TMEM170B: variants seen among roughly 807,000 people sequenced by gnomAD.
TMEM170B encodes transmembrane protein 170B.
A neutral mutation model predicts 13.0 loss-of-function variants in TMEM170B; 6 were observed. The ratio of observed to expected loss-of-function variants is 0.46; its 90% CI spans 0.25 to 0.91. TMEM170B has a LOEUF of 0.91. Ranked by LOEUF, TMEM170B falls within the 40% of genes least tolerant of loss-of-function variation. The probability of loss-of-function intolerance (pLI) is 0.17; values close to 1 mark genes in which losing one functional copy is unlikely to be tolerated. For missense variants in TMEM170B, 138 were observed against 165.2 expected (o/e 0.84, Z 0.90); for synonymous variants, 61 against 64.9 (o/e 0.94, Z 0.29).
rs1759923656 is a variant in TMEM170B, at chr6:11,579,521, T to G, written c.*3960T>G. The G allele has an allele frequency of 6.6e-6, 1 of 152,242 alleles. No homozygotes were observed. Among genetic ancestry groups the G allele is most frequent in the Non-Finnish European group, 1.5e-5 (1 of 68,040 alleles). The allele number at this position is 152,242 out of a possible 1,614,324, so 9.4% of individuals were successfully genotyped here. ...GTAAAATTCATCAATTTTGTTTCAT[T>G]TCTATATTTTCCTTACATATGCTTT... On this transcript the variant is annotated 3_prime_UTR_variant, in exon 3 of 3. Transcript: ENST00000379426.
intron 1 of TMEM170B, among the ~76,000 whole-genome samples, chr6:11,541,256 T>G (rs1414542865): frequency 6.6e-6 from 1 of 152,252 alleles, no homozygotes; most frequent in East Asian, 1.9e-4. Context: ...TGGCATCTTC[T>G]TCTGATATAA....
In TMEM170B at chr6:11,582,641, A is replaced by G. The variant is rs755407837; in HGVS notation, c.*7080A>G. The G allele has an allele frequency of 1.3e-5, 2 of 152,010 alleles. No individual in the cohort carries two copies. Among genetic ancestry groups the G allele is most frequent in the Non-Finnish European group, 2.9e-5 (2 of 68,020 alleles). 9.4% of individuals were successfully genotyped at this position (152,010 alleles called of 1,614,324 possible). On this transcript the variant is annotated 3_prime_UTR_variant, in exon 3 of 3. Transcript: ENST00000379426. ...AGTTTTGTTGTAAACTAGAGATTCT[A>G]GTGAACAGTGTTAGTTTTATACTGT... is the stretch of plus-strand genomic sequence containing the variant.
intron 2 of TMEM170B, among the ~76,000 whole-genome samples, chr6:11,574,164 C>A (rs1025272456): frequency 7.2e-5 from 11 of 151,926 alleles, no homozygotes; most frequent in Admixed American, 2.6e-4. Flanking sequence ...TTTTTTTCAT[C>A]TTTAAATTAG....
At chr6:11,541,224 C>T (rs1759356456) in intron 1 of TMEM170B, among the ~76,000 whole-genome samples, 1 of 152,170 alleles carries the variant, frequency 6.6e-6, no homozygotes, top group South Asian at 2.1e-4. Flanking sequence ...ATTGACTTCT[C>T]TCTAGCTGTG....
Position 11,577,475 on chromosome 6 carries a change from T to A in TMEM170B, c.*1914T>A, listed in dbSNP as rs1759895147. The A allele has an allele frequency of 1.3e-5, 2 of 152,142 alleles. No individual in the cohort carries two copies. Among genetic ancestry groups the A allele is most frequent in the Admixed American group, 1.3e-4 (2 of 15,280 alleles). The allele number at this position is 152,142 out of a possible 1,614,324, so 9.4% of individuals were successfully genotyped here. A position where few individuals can be genotyped will look rare whatever the true frequency, so the allele number is the denominator to read the frequency against. On this transcript the variant is annotated 3_prime_UTR_variant, in exon 3 of 3. Transcript: ENST00000379426. ...AATTGTGTTCTTCTTTTACTTTGGC[T>A]ATTCTGTCAATAATTTAAAGCATTC...
chr6:11,538,329 G>T lies in TMEM170B; in HGVS notation c.52G>T (p.Val18Phe). 1.3e-6 allele frequency: 2 copies of T among 1,508,202 alleles called. No homozygotes were observed. Among genetic ancestry groups the T allele is most frequent in the Non-Finnish European group, 1.8e-6 (2 of 1,133,376 alleles). 93.4% of individuals were successfully genotyped at this position (1,508,202 alleles called of 1,614,324 possible). A position where few individuals can be genotyped will look rare whatever the true frequency, so the allele number is the denominator to read the frequency against. ...CATGATCAACCTGTCGGTGCAGCAG[G>T]TCCTGAGCCTCTGGGCCCACGGGAC... ...HSMINLSVQQ[V>F]LSLWAHGTVL... The change falls in exon 1 of 3, where the codon GTC becomes TTC. Residue 18 changes from valine to phenylalanine, a missense_variant. By Grantham distance (50) the Val-to-Phe change is conservative. Transcript: ENST00000379426.
chr6:11,538,507 A>T, intron 1 of TMEM170B, 133 bp downstream of exon 1: 1 of 675,384 alleles, frequency 1.5e-6, no homozygotes, highest in Non-Finnish European at 2.3e-6. Context: ...GGTCCCGGCG[A>T]GGAAGGTGTT....
chr6:11,550,349 A>G (rs1204832795), intron 1 of TMEM170B, among the ~76,000 whole-genome samples: 2 of 150,976 alleles, frequency 1.3e-5, no homozygotes, highest in Admixed American at 1.3e-4. Flanking sequence ...AAGTTTTTTT[A>G]TTTAGTAGAG....
At chr6:11,569,331 T>C (rs888758150) in intron 2 of TMEM170B, among the ~76,000 whole-genome samples, 2 of 152,180 alleles carry the variant, frequency 1.3e-5, no homozygotes, top group African/African-American at 4.8e-5. Context: ...TTTTGTCTTA[T>C]GGTTTATACT....
chr6:11,565,569 C>A (rs12193222), intron 1 of TMEM170B, 97 bp from the exon 2 acceptor site: 80,694 of 1,307,342 alleles, frequency 0.062, 2,835 homozygotes, highest in East Asian at 0.14. Context: ...TGTATTATGT[C>A]ATTTAACCTC....
chr6:11,552,034 AACTGTTCATACAG>A (rs1397448981), intron 1 of TMEM170B, among the ~76,000 whole-genome samples: 1 of 152,200 alleles, frequency 6.6e-6, no homozygotes, highest in Non-Finnish European at 1.5e-5. Flanking sequence ...AATCACCTGG[AACTGTTCATACAG>A]ATCCATGGCT....
chr6:11,568,154 GA>G (rs1156520288), intron 2 of TMEM170B, among the ~76,000 whole-genome samples: 2 of 152,182 alleles, frequency 1.3e-5, no homozygotes, highest in African/African-American at 2.4e-5. Flanking sequence ...AGAGAATAAA[GA>G]GGAAGGAAGA....
rs543844505 is a variant in TMEM170B at position 11,538,769 on chromosome 6, T to G, written c.97+395T>G. Among the ~76,000 whole-genome samples, 8 of 152,374 alleles carry G rather than the reference T, an allele frequency of 5.3e-5. No individual in the cohort carries two copies. The East Asian group carries it at 1.5e-3, about 29-fold the overall frequency. ...TCTTGCTATTTACATCTTTTTCTGA[T>G]TTAGTTCTTTTTCTTTCTGGCAAAT... is the stretch of plus-strand genomic sequence containing the variant. On this transcript the variant is annotated intron_variant, in intron 1 of 2. Coordinates refer to ENST00000379426, the MANE Select transcript of TMEM170B (RefSeq NM_001100829.3).
In TMEM170B at chr6:11,538,063, C is replaced by T. The variant is rs1475122291; in HGVS notation, c.-215C>T. ...TCCGTCCGCCGTCCTCAATGTCTCC[C>T]CGGCGGGGAGGGGGCTGCCTGGGAG... On this transcript the variant is annotated 5_prime_UTR_variant, in exon 1 of 3. Coordinates refer to ENST00000379426, the MANE Select transcript of TMEM170B (RefSeq NM_001100829.3). Among the ~76,000 whole-genome samples the T allele has an allele frequency of 2.6e-5, 4 of 151,166 alleles. No homozygotes were observed. Among genetic ancestry groups the T allele is most frequent in the Non-Finnish European group, 4.4e-5 (3 of 67,624 alleles).
chr6:11,549,818 T>G (rs1266263585), intron 1 of TMEM170B, among the ~76,000 whole-genome samples: 1 of 152,152 alleles, frequency 6.6e-6, no homozygotes, highest in African/African-American at 2.4e-5. Flanking sequence ...CAGTTGCTTG[T>G]GTTATGATAA....
At chr6:11,566,778 G>A (rs949644249) in intron 2 of TMEM170B, among the ~76,000 whole-genome samples, 1 of 152,218 alleles carries the variant, frequency 6.6e-6, no homozygotes, top group Non-Finnish European at 1.5e-5. Context: ...TTTAGGGTGA[G>A]CCACCCGCAT....
chr6:11,579,754 A>C lies in TMEM170B; in HGVS notation c.*4193A>C, dbSNP rs1759927001. 6.6e-6 allele frequency: 1 copy of C among 152,232 alleles called. No homozygotes were observed. Among genetic ancestry groups the C allele is most frequent in the Non-Finnish European group, 1.5e-5 (1 of 68,062 alleles). 9.4% of individuals were successfully genotyped at this position (152,232 alleles called of 1,614,324 possible). A position where few individuals can be genotyped will look rare whatever the true frequency, so the allele number is the denominator to read the frequency against. ...GTAGTCAGCCTTGACTCCCTTATCT[A>C]TTCCCACTTACTTCCCTTGGATTCA... On this transcript the variant is annotated 3_prime_UTR_variant, in exon 3 of 3. Transcript: ENST00000379426.
intron 1 of TMEM170B, among the ~76,000 whole-genome samples, chr6:11,558,515 A>G (rs1450749978): frequency 6.6e-6 from 1 of 152,202 alleles, no homozygotes; most frequent in Non-Finnish European, 1.5e-5. Context: ...TACATCGTAA[A>G]CCAATTAAAT....
rs1246295804 is a variant in TMEM170B at position 11,579,802 on chromosome 6, C to G, written c.*4241C>G. On this transcript the variant is annotated 3_prime_UTR_variant, in exon 3 of 3. Coordinates refer to ENST00000379426, the MANE Select transcript of TMEM170B (RefSeq NM_001100829.3). The stretch of plus-strand genomic sequence containing the variant: ...TCATTCAGCCATGTTGATTTATTGA[C>G]TTTCTGCTATTTGCTAATTATTCTT... 2.6e-5 allele frequency: 4 copies of G among 152,182 alleles called. No individual in the cohort carries two copies. The highest frequency in any genetic ancestry group is 7.2e-5 in the African/African-American group (3 of 41,430). The allele number at this position is 152,182 out of a possible 1,614,324, so 9.4% of individuals were successfully genotyped here.
Sources: allele counts gnomAD v4.1 joint callset (sites outside exome capture counted in the v4.1 genomes callset), GRCh38; gene constraint gnomAD v4.1.1; transcripts MANE v1.5; gene names NCBI Gene and HGNC (gene_info 2026-07-23, HGNC 2026-07-21).